PTPRD: variants seen among roughly 807,000 people sequenced by gnomAD.
PTPRD encodes receptor-type tyrosine-protein phosphatase delta.
A neutral mutation model predicts 214.5 loss-of-function variants in PTPRD; 34 were observed. The ratio of observed to expected loss-of-function variants is 0.16; its 90% CI spans 0.12 to 0.21. The LOEUF (loss-of-function observed/expected upper bound fraction) is 0.21, where lower values mean the gene tolerates loss of function less well. Ranked by LOEUF, PTPRD falls within the 10% of genes least tolerant of loss-of-function variation. PTPRD has a pLI of 1.00. For synonymous variants in PTPRD, 1,128 were observed against 845.7 expected (o/e 1.33, Z -5.79); for missense variants, 2,545 against 2,398.7 (o/e 1.06, Z -1.27).
At chr9:9,456,753 G>A (rs2093062338) in intron 8 of PTPRD, among the ~76,000 whole-genome samples, 1 of 151,780 alleles carries the variant, frequency 6.6e-6, no homozygotes, top group African/African-American at 2.4e-5. Context: ...TATAGATGGG[G>A]AGACTGAGAA....
intron 11 of PTPRD, among the ~76,000 whole-genome samples, chr9:8,802,422 T>G (rs993412983): frequency 2.4e-4 from 36 of 152,104 alleles, no homozygotes; most frequent in East Asian, 9.7e-4. Context: ...TAGAAGAACA[T>G]TCACAATCGC....
At chr9:8,754,444 A>G (rs10815932) in intron 11 of PTPRD, among the ~76,000 whole-genome samples, 78,214 of 151,968 alleles carry the variant, frequency 0.51, 23,625 homozygotes, top group South Asian at 0.67. Flanking sequence ...CTAGAAACAG[A>G]CCCACCCATA....
At chr9:8,418,219 C>CTTTTTTTTTTTTT (rs370640821) in intron 35 of PTPRD, among the ~76,000 whole-genome samples, 3 of 150,188 alleles carry the variant, frequency 2.0e-5, no homozygotes. Context: ...CTTTCTTATC[C>CTTTTTTTTTTTTT]TTTTCTTTTT....
chr9:9,188,394 A>T (rs2099932998), intron 9 of PTPRD, among the ~76,000 whole-genome samples: 1 of 152,062 alleles, frequency 6.6e-6, no homozygotes, highest in Non-Finnish European at 1.5e-5. Flanking sequence ...GAATTGCTGG[A>T]TCATCTGGTT....
chr9:8,969,550 G>A (rs1262711406), intron 11 of PTPRD, among the ~76,000 whole-genome samples: 1 of 151,966 alleles, frequency 6.6e-6, no homozygotes, highest in African/African-American at 2.4e-5. Flanking sequence ...CAATATGGAT[G>A]AAATTTCAAA....
At chr9:9,639,711 G>C (rs535408945) in intron 7 of PTPRD, among the ~76,000 whole-genome samples, 1 of 152,156 alleles carries the variant, frequency 6.6e-6, no homozygotes, top group African/African-American at 2.4e-5. Flanking sequence ...TGGTATCGTT[G>C]ATACACAGGC....
chr9:9,760,599 T>TACACAC (rs146209140), intron 6 of PTPRD, among the ~76,000 whole-genome samples: 61 of 107,884 alleles, frequency 5.7e-4, no homozygotes, highest in East Asian at 4.7e-3. Context: ...TCAGCTATCA[T>TACACAC]ACACACACAC....
intron 11 of PTPRD, among the ~76,000 whole-genome samples, chr9:8,742,182 C>G (rs866611877): frequency 5.3e-5 from 8 of 152,232 alleles, no homozygotes; most frequent in South Asian, 2.1e-4. Context: ...AGACTGCACA[C>G]ATTACAATAG....
At chr9:9,566,441 C>T (rs1022564112) in intron 8 of PTPRD, among the ~76,000 whole-genome samples, 2 of 151,926 alleles carry the variant, frequency 1.3e-5, no homozygotes, top group Admixed American at 6.6e-5. Context: ...TCTCTCTGTA[C>T]GTGCTTTTCG....
At chr9:10,086,523 T>G (rs1233017306) in intron 3 of PTPRD, among the ~76,000 whole-genome samples, 1 of 151,848 alleles carries the variant, frequency 6.6e-6, no homozygotes, top group Non-Finnish European at 1.5e-5. Flanking sequence ...ACTTGAAATC[T>G]CTGTCCCTTT....
chr9:9,166,019 C>G (rs892987816), intron 10 of PTPRD, among the ~76,000 whole-genome samples: 2 of 151,852 alleles, frequency 1.3e-5, no homozygotes, highest in Non-Finnish European at 2.9e-5. Context: ...TAGTCAGGTA[C>G]AATTGTCTGT....
chr9:8,760,218 T>G (rs1034745530), intron 11 of PTPRD, among the ~76,000 whole-genome samples: 2 of 152,158 alleles, frequency 1.3e-5, no homozygotes, highest in African/African-American at 4.8e-5. Flanking sequence ...AACACCTTTT[T>G]AAAGGAAGAA....
chr9:8,996,802 C>G (rs957974609), intron 11 of PTPRD, among the ~76,000 whole-genome samples: 1 of 151,998 alleles, frequency 6.6e-6, no homozygotes, highest in Non-Finnish European at 1.5e-5. Flanking sequence ...CCTCTTAATA[C>G]TTTTACTTAA....
intron 5 of PTPRD, among the ~76,000 whole-genome samples, chr9:9,777,487 G>A (rs1014903627): frequency 1.3e-5 from 2 of 152,068 alleles, no homozygotes; most frequent in Admixed American, 1.3e-4. Context: ...TTGAGCCCAA[G>A]AGTTTGAGAC....
At chr9:9,388,597 A>G (rs1045889921) in intron 9 of PTPRD, among the ~76,000 whole-genome samples, 1 of 152,176 alleles carries the variant, frequency 6.6e-6, no homozygotes, top group African/African-American at 2.4e-5. Flanking sequence ...GCTTCATTCA[A>G]TCACAGGCTT....
At chr9:9,703,375 T>G (rs1225301642) in intron 7 of PTPRD, among the ~76,000 whole-genome samples, 1 of 152,176 alleles carries the variant, frequency 6.6e-6, no homozygotes, top group Non-Finnish European at 1.5e-5. Context: ...ACTCAAACTT[T>G]TATGATACTC....
chr9:8,525,327 G>A, intron 17 of PTPRD: 3 of 470,776 alleles, frequency 6.4e-6, no homozygotes, highest in South Asian at 2.2e-5. Context: ...ATAAAATGAA[G>A]ATGGGTGAGA....
At chr9:10,491,210 A>C (rs1323479) in intron 2 of PTPRD, among the ~76,000 whole-genome samples, 105,510 of 151,986 alleles carry the variant, frequency 0.69, 38,347 homozygotes, top group Middle Eastern at 0.84. Context: ...AATATATTGA[A>C]TGGATTCATT....
intron 5 of PTPRD, among the ~76,000 whole-genome samples, chr9:9,797,050 T>G (rs1480038678): frequency 6.6e-6 from 1 of 152,062 alleles, no homozygotes; most frequent in African/African-American, 2.4e-5. Context: ...ATGGGATATC[T>G]GAGAGCAAAG....
Sources: gnomAD v4.1 joint callset for allele counts (sites outside exome capture counted in the v4.1 genomes callset) on GRCh38, gnomAD v4.1.1 for gene constraint, MANE v1.5 for transcripts, NCBI Gene and HGNC (gene_info 2026-07-23, HGNC 2026-07-21) for gene names.